FAM193A: variants seen among roughly 807,000 people sequenced by gnomAD.
The protein encoded by FAM193A is family with sequence similarity 193 member A.
Under a neutral mutation model 126.5 loss-of-function variants are expected in FAM193A, and 22 were observed. That is an observed-to-expected ratio of 0.17 (90% confidence interval 0.12 to 0.25). The LOEUF (loss-of-function observed/expected upper bound fraction) is 0.25. FAM193A is among the 10% of genes least tolerant of loss of function. The probability of loss-of-function intolerance (pLI) is 1.00; values close to 1 mark genes in which losing one functional copy is unlikely to be tolerated. For synonymous variants in FAM193A, 761 were observed against 646.8 expected, an observed-to-expected ratio of 1.18 and a Z score of -2.68; for missense variants, 1,675 against 1,672.8, an observed-to-expected ratio of 1.00 and a Z score of -0.02.
At chr4:2,691,042 A>G in intron 15 of FAM193A, 72 bp downstream of exon 15, 4 of 1,420,996 alleles carry the variant, frequency 2.8e-6, no homozygotes, top group Non-Finnish European at 3.8e-6. Flanking sequence ...CGTCTTTGTA[A>G]CTCATCTTTG....
At chr4:2,539,497 T>C (rs1360983724) in intron 1 of FAM193A, among the ~76,000 whole-genome samples, 1 of 151,906 alleles carries the variant, frequency 6.6e-6, no homozygotes, top group Non-Finnish European at 1.5e-5. Flanking sequence ...CATAGCTCAC[T>C]GTAACCTCCA....
intron 12 of FAM193A, among the ~76,000 whole-genome samples, chr4:2,668,924 C>T (rs1439995619): frequency 6.6e-6 from 1 of 152,070 alleles, no homozygotes; most frequent in Non-Finnish European, 1.5e-5. Context: ...CTCACTTCAA[C>T]CTCCACCTCC....
At chr4:2,622,578 G>A (rs1224778199) in intron 2 of FAM193A, among the ~76,000 whole-genome samples, 1 of 152,142 alleles carries the variant, frequency 6.6e-6, no homozygotes, top group Non-Finnish European at 1.5e-5. Context: ...TCAGGCTGCT[G>A]CAACAAAATG....
intron 1 of FAM193A, among the ~76,000 whole-genome samples, chr4:2,540,972 CA>C (rs369952404): frequency 0.023 from 2,037 of 86,720 alleles, 29 homozygotes; most frequent in African/African-American, 0.05. Flanking sequence ...AAATCCGTCT[CA>C]AAAAAAAAAA....
At position 2,689,517 on chromosome 4, in the gene FAM193A, A is replaced by G; in HGVS notation, c.2343A>G (p.Pro781=). 1 of 1,550,600 alleles carries G rather than the reference A, an allele frequency of 6.4e-7. No homozygotes were observed. Among genetic ancestry groups the G allele is most frequent in the Non-Finnish European group, 8.6e-7 (1 of 1,160,584 alleles). The part of the protein sequence containing the change: ...PPFTHSKALP[P]APVQNHTNKH... ...ATTTTTTTTTGTAGGCTTTACCGCC[A>G]GCACCTGTTCAGAATCACACAAATA... The change falls in exon 14 of 21, where the codon CCA becomes CCG. Residue 781 remains proline, a synonymous_variant. Coordinates refer to ENST00000637812, the MANE Select transcript of FAM193A (RefSeq NM_001366318.2).
At position 2,625,321 on chromosome 4, in the gene FAM193A, T is replaced by G; in HGVS notation, c.561T>G (p.Gly187=). The change falls in exon 3 of 21, where the codon GGT becomes GGG. Residue 187 remains glycine (G), a synonymous_variant. Coordinates refer to ENST00000637812, the MANE Select transcript of FAM193A (RefSeq NM_001366318.2). Reference sequence around the variant, plus strand: ...GCTCCCAGCCAGAGGCCGGCAGTGGTGGGAGGCTCGCTCTGGGTGCACAGA... The same window carrying G: ...GCTCCCAGCCAGAGGCCGGCAGTGGGGGGAGGCTCGCTCTGGGTGCACAGA... The part of the protein sequence containing the change: ...LGGSQPEAGS[G]GRLALGAQTL... 1 of 703,032 alleles carries G rather than the reference T, an allele frequency of 1.4e-6. No individual in the cohort carries two copies. Among genetic ancestry groups the G allele is most frequent in the Non-Finnish European group, 2.6e-6 (1 of 384,990 alleles). The allele number at this position is 703,032 out of a possible 1,614,324, so 43.5% of individuals were successfully genotyped here.
Position 2,672,318 on chromosome 4 carries a change from A to G in FAM193A, c.2277A>G (p.Pro759=), listed in dbSNP as rs754014117. The G allele has an allele frequency of 5.0e-6, 8 of 1,613,946 alleles. No individual in the cohort carries two copies. The African/African-American group carries it at 9.3e-5, about 19-fold the overall frequency. Residue 759 remains proline (P), a synonymous_variant, in exon 13 of 21, where the codon CCA becomes CCG. Coordinates refer to ENST00000637812, the MANE Select transcript of FAM193A (RefSeq NM_001366318.2). Reference sequence around the variant, plus strand: ...CTTTGCACACTGTTCCACACCTGCCACGCCCTCTCATCCACCCCACCTTGT... The same window carrying G: ...CTTTGCACACTGTTCCACACCTGCCGCGCCCTCTCATCCACCCCACCTTGT... ...HVPLHTVPHL[P]RPLIHPTLYA... is the part of the protein sequence containing the mutation.
chr4:2,678,974 T>G (rs2109200902), intron 13 of FAM193A, among the ~76,000 whole-genome samples: 1 of 152,352 alleles, frequency 6.6e-6, no homozygotes, highest in South Asian at 2.1e-4. Context: ...AGAGAAGTGA[T>G]GAAAGCAGGC....
intron 19 of FAM193A, among the ~76,000 whole-genome samples, chr4:2,708,819 G>C (rs1024276107): frequency 1.6e-4 from 25 of 152,130 alleles, no homozygotes. Context: ...GAGTCTTACT[G>C]TTGATTCTCT....
intron 5 of FAM193A, among the ~76,000 whole-genome samples, chr4:2,631,444 G>C (rs191999041): frequency 1.3e-5 from 2 of 152,288 alleles, no homozygotes; most frequent in Non-Finnish European, 2.9e-5. Flanking sequence ...AACGAGGCAT[G>C]GGGGCAGTGT....
At chr4:2,560,664 T>G (rs1738554809) in intron 1 of FAM193A, among the ~76,000 whole-genome samples, 1 of 152,242 alleles carries the variant, frequency 6.6e-6, no homozygotes, top group Non-Finnish European at 1.5e-5. Context: ...GGAAACTCAG[T>G]GCAGAATTTA....
At chr4:2,552,630 T>C (rs987422803) in intron 1 of FAM193A, among the ~76,000 whole-genome samples, 3 of 151,864 alleles carry the variant, frequency 2.0e-5, no homozygotes, top group South Asian at 2.1e-4. Flanking sequence ...CTCCGCCTCC[T>C]GGGTTCATGC....
intron 2 of FAM193A, among the ~76,000 whole-genome samples, chr4:2,624,795 G>A (rs1742792526): frequency 6.6e-6 from 1 of 152,210 alleles, no homozygotes; most frequent in Non-Finnish European, 1.5e-5. Context: ...TCCCATCTCG[G>A]CTTCCCAAAA....
chr4:2,703,163 G>A (rs895834434), intron 19 of FAM193A, among the ~76,000 whole-genome samples: 6 of 152,120 alleles, frequency 3.9e-5, no homozygotes, highest in Non-Finnish European at 8.8e-5. Flanking sequence ...CAGCGACACG[G>A]TACTCCATTT....
rs757652109 is a variant in FAM193A at position 2,690,853 on chromosome 4, G to A, written c.2686G>A (p.Ala896Thr). Residue 896 changes from alanine to threonine, a missense_variant, in exon 15 of 21, where the codon GCA becomes ACA. Ala to Thr is a moderately conservative substitution (Grantham distance 58). Transcript: ENST00000637812. Reference protein sequence around the residue: ...LYNFQDAFMEANKVVMATSSA... With the variant: ...LYNFQDAFMETNKVVMATSSA... Reference sequence around the variant, plus strand: ...CAATTTCCAAGATGCTTTCATGGAAGCAAATAAAGTTGTCATGGCCACGTC... The same window carrying A: ...CAATTTCCAAGATGCTTTCATGGAAACAAATAAAGTTGTCATGGCCACGTC... The A allele has an allele frequency of 1.7e-5, 27 of 1,614,074 alleles. No individual in the cohort carries two copies. Among genetic ancestry groups the A allele is most frequent in the Non-Finnish European group, 2.3e-5 (27 of 1,180,038 alleles).
At chr4:2,554,804 C>G (rs1002662545) in intron 1 of FAM193A, among the ~76,000 whole-genome samples, 2 of 152,038 alleles carry the variant, frequency 1.3e-5, no homozygotes, top group African/African-American at 4.8e-5. Flanking sequence ...TGAATTGACC[C>G]TTTGTCATTT....
At chr4:2,664,558 C>CTTTTTTTTTTTT (rs33958851) in intron 12 of FAM193A, among the ~76,000 whole-genome samples, 99 of 73,100 alleles carry the variant, frequency 1.4e-3, no homozygotes, top group Middle Eastern at 0.013. Flanking sequence ...TATTTTCTTT[C>CTTTTTTTTTTTT]TTTTTTTTTT....
chr4:2,708,446 A>T (rs1344705923), intron 19 of FAM193A, among the ~76,000 whole-genome samples: 1 of 149,588 alleles, frequency 6.7e-6, no homozygotes, highest in Non-Finnish European at 1.5e-5. Context: ...TTATTTTTTT[A>T]TTTTTTATTT....
At chr4:2,653,450 AT>A (rs1745868918) in intron 7 of FAM193A, among the ~76,000 whole-genome samples, 1 of 151,966 alleles carries the variant, frequency 6.6e-6, no homozygotes, top group Non-Finnish European at 1.5e-5. Flanking sequence ...TTTTATTTTT[AT>A]TTATTTTTTT....
Sources: gnomAD v4.1 joint callset for allele counts (sites outside exome capture counted in the v4.1 genomes callset) on GRCh38, gnomAD v4.1.1 for gene constraint, MANE v1.5 for transcripts, NCBI Gene and HGNC (gene_info 2026-07-23, HGNC 2026-07-21) for gene names.